The following CACNA1C variants were observed in gnomAD, a reference collection of about 807,000 sequenced individuals.
The protein encoded by CACNA1C is calcium voltage-gated channel subunit alpha1 C, also known as voltage-dependent L-type calcium channel subunit alpha-1C.
In CACNA1C, 30 loss-of-function variants were observed where a neutral mutation model predicts 229.0. The observed-to-expected ratio is 0.13, with a 90% confidence interval of 0.10 to 0.18. CACNA1C has a LOEUF of 0.18. Among genes scored for constraint, CACNA1C ranks in the 10% least tolerant of loss-of-function variants. CACNA1C has a pLI of 1.00. For synonymous variants in CACNA1C, 1,114 were observed against 1,132.5 expected, an observed-to-expected ratio of 0.98 and a Z score of 0.33; for missense variants, 1,658 against 2,845.0, an observed-to-expected ratio of 0.58 and a Z score of 9.49.
At chr12:2,041,065 T>G (rs1035330370) in intron 1 of CACNA1C, among the ~76,000 whole-genome samples, 3 of 152,148 alleles carry the variant, frequency 2.0e-5, no homozygotes, top group Non-Finnish European at 4.4e-5. Flanking sequence ...ACTGAAAGTA[T>G]TTCTTCTGAG....
intron 3 of CACNA1C, among the ~76,000 whole-genome samples, chr12:2,256,396 A>T (rs957238445): frequency 2.0e-5 from 3 of 152,230 alleles, no homozygotes; most frequent in African/African-American, 7.2e-5. Context: ...GTTGCTAGAA[A>T]AGCCCTTTTT....
intron 3 of CACNA1C, among the ~76,000 whole-genome samples, chr12:2,302,337 G>T (rs1230891433): frequency 6.6e-6 from 1 of 151,640 alleles, no homozygotes; most frequent in Non-Finnish European, 1.5e-5. Flanking sequence ...TGTGCCCCCT[G>T]CCACCCCCGC....
At position 2,182,737 on chromosome 12, in the gene CACNA1C, C is replaced by T. The variant is rs142377782; in HGVS notation, c.477+62307C>T. Among the ~76,000 whole-genome samples the T allele has an allele frequency of 9.4e-3, 1,435 of 152,146 alleles. 20 individuals are homozygous for T. The highest frequency in any genetic ancestry group is 0.032 in the African/African-American group (1,344 of 41,500). ...GATGTGCGCCTGAGCATCCCTGAGT[C>T]CAAGGTAGGGGAAAGAGGAAGTGGT... On this transcript the variant is annotated intron_variant, in intron 3 of 46. Coordinates refer to ENST00000399655, the MANE Select transcript of CACNA1C (RefSeq NM_000719.7).
At chr12:2,645,888 G>A (rs894361794) in intron 30 of CACNA1C, among the ~76,000 whole-genome samples, 1 of 152,156 alleles carries the variant, frequency 6.6e-6, no homozygotes, top group Non-Finnish European at 1.5e-5. Flanking sequence ...CTTAATCTTT[G>A]AGTCTCTAGA....
chr12:2,458,324 C>T (rs1394520549), intron 5 of CACNA1C, among the ~76,000 whole-genome samples: 5 of 152,224 alleles, frequency 3.3e-5, no homozygotes, highest in Admixed American at 6.5e-5. Flanking sequence ...ATTGCCTATC[C>T]GGATGTCAGT....
At chr12:2,317,295 G>A (rs1295060821) in intron 3 of CACNA1C, among the ~76,000 whole-genome samples, 1 of 152,224 alleles carries the variant, frequency 6.6e-6, no homozygotes, top group Admixed American at 6.5e-5. Flanking sequence ...TAAGCAAAAT[G>A]TGAAATGTGA....
intron 1 of CACNA1C, among the ~76,000 whole-genome samples, chr12:2,066,888 G>A (rs754225137): frequency 5.3e-5 from 8 of 152,082 alleles, no homozygotes; most frequent in Non-Finnish European, 5.9e-5. Context: ...CTCGGGCAGG[G>A]GTGCTGAATC....
chr12:2,474,529 C>G (rs1252647121), intron 5 of CACNA1C, among the ~76,000 whole-genome samples: 2 of 152,060 alleles, frequency 1.3e-5, no homozygotes, highest in Non-Finnish European at 2.9e-5. Flanking sequence ...CCGAGGCAGG[C>G]AGATCACTTG....
At chr12:2,033,266 C>T (rs1258216976) in intron 1 of CACNA1C, among the ~76,000 whole-genome samples, 2 of 152,158 alleles carry the variant, frequency 1.3e-5, no homozygotes, top group Non-Finnish European at 2.9e-5. Context: ...GGCCCTGACA[C>T]AGATGCCCCC....
chr12:2,431,081 C>T (rs778454985), intron 3 of CACNA1C, among the ~76,000 whole-genome samples: 5 of 152,148 alleles, frequency 3.3e-5, no homozygotes, highest in Non-Finnish European at 1.5e-5. Flanking sequence ...AGCAGTGAAT[C>T]CTGTAGCTGA....
At chr12:2,153,997 G>A (rs1252184927) in intron 3 of CACNA1C, among the ~76,000 whole-genome samples, 2 of 151,992 alleles carry the variant, frequency 1.3e-5, no homozygotes, top group African/African-American at 4.8e-5. Context: ...CAAAATGCTG[G>A]GTAGAGGTTC....
intron 11 of CACNA1C, among the ~76,000 whole-genome samples, chr12:2,565,415 C>T (rs1004352945): frequency 4.0e-5 from 6 of 149,084 alleles, no homozygotes; most frequent in South Asian, 2.1e-4. Context: ...TGCAGTGAGC[C>T]GAGATTGCGC....
Position 2,349,230 on chromosome 12 carries a change from C to T in CACNA1C, c.478-99746C>T, listed in dbSNP as rs140494886. On this transcript the variant is annotated intron_variant, in intron 3 of 46. Transcript: ENST00000399655. ...GAAGGGTAGAATACAATACAAACAC[C>T]GTTAGGACTGAGATGTGGCCAGCAT... 1.1e-4 allele frequency among the ~76,000 whole-genome samples: 16 copies of T among 152,230 alleles called. No individual in the cohort carries two copies. In the East Asian group the frequency reaches 2.3e-3, roughly 22 times the overall value.
intron 3 of CACNA1C, chr12:2,288,026 G>A (rs1404673798): frequency 2.0e-5 from 3 of 148,854 alleles, no homozygotes; most frequent in East Asian, 3.9e-4. Flanking sequence ...CAGACTGTGT[G>A]CTAGGCACTG....
chr12:2,488,728 C>T lies in CACNA1C; in HGVS notation c.916+2466C>T, dbSNP rs2099706445. Among the ~76,000 whole-genome samples the T allele has an allele frequency of 6.6e-6, 1 of 152,220 alleles. No homozygotes were observed. The highest frequency in any genetic ancestry group is 1.5e-5 in the Non-Finnish European group (1 of 68,038). On this transcript the variant is annotated intron_variant, in intron 6 of 46. Transcript: ENST00000399655. This position sits in a 1 kb window ranked among gnomAD's most constrained non-coding sequence, Gnocchi z 4.0. ...CAGAGAGAAGGGCCCTGCCAGGCTC[C>T]ATGAGAAGGTGGCCTCACTCATTCG...
rs991757827 is a variant in CACNA1C, at chr12:2,678,451, G to A, written c.5091+584G>A. ...CAGTTGCAATAGTGAAAATTAAAACGGCTGTACCAGAATAAGGGGCGTTTA... is the reference window on the plus strand; with the variant it reads ...CAGTTGCAATAGTGAAAATTAAAACAGCTGTACCAGAATAAGGGGCGTTTA... On this transcript the variant is annotated intron_variant, in intron 41 of 46. Coordinates refer to ENST00000399655, the MANE Select transcript of CACNA1C (RefSeq NM_000719.7). The surrounding 1 kb of genome is among the most constrained non-coding windows in gnomAD (Gnocchi z 4.1). Among the ~76,000 whole-genome samples, 5 of 152,268 alleles carry A rather than the reference G, an allele frequency of 3.3e-5. No homozygotes were observed. The highest frequency in any genetic ancestry group is 9.6e-5 in the African/African-American group (4 of 41,544).
At chr12:2,369,180 CA>C (rs1555492561) in intron 3 of CACNA1C, among the ~76,000 whole-genome samples, 1 of 152,150 alleles carries the variant, frequency 6.6e-6, no homozygotes, top group Non-Finnish European at 1.5e-5. Flanking sequence ...TACTAGAAAA[CA>C]AAATCTGTTT....
chr12:2,185,508 A>G (rs2096970451), intron 3 of CACNA1C, among the ~76,000 whole-genome samples: 1 of 152,244 alleles, frequency 6.6e-6, no homozygotes, highest in South Asian at 2.1e-4. Flanking sequence ...AGTTAGCATG[A>G]GACCATTAGG....
intron 34 of CACNA1C, among the ~76,000 whole-genome samples, chr12:2,656,822 C>G (rs755054905): frequency 2.0e-5 from 3 of 152,144 alleles, no homozygotes; most frequent in Admixed American, 6.5e-5. Flanking sequence ...CAAGAACACA[C>G]AGTGGAGAAA....
Sources: gnomAD v4.1 joint callset for allele counts (sites outside exome capture counted in the v4.1 genomes callset) on GRCh38, gnomAD v4.1.1 for gene constraint, Gnocchi (gnomAD v3.1) non-coding constraint, MANE v1.5 for transcripts, NCBI Gene and HGNC (gene_info 2026-07-23, HGNC 2026-07-21) for gene names.